CREBBP: variants seen among roughly 807,000 people sequenced by gnomAD.
CREBBP encodes the protein CREB-binding protein.
CREBBP carries 19 observed loss-of-function variants against 265.0 expected under a neutral mutation model. That is an observed-to-expected ratio of 0.07 (90% CI 0.05 to 0.11). The LOEUF is 0.11. CREBBP is among the 10% of genes least tolerant of loss of function. CREBBP has a pLI of 1.00. For synonymous variants in CREBBP, 1,457 were observed against 1,223.7 expected, an observed-to-expected ratio of 1.19 and a Z score of -3.98; for missense variants, 2,525 against 3,219.0, an observed-to-expected ratio of 0.78 and a Z score of 5.22.
chr16:3,862,743 G>A (rs961358911), intron 1 of CREBBP, among the ~76,000 whole-genome samples: 23 of 152,218 alleles, frequency 1.5e-4, no homozygotes, highest in African/African-American at 4.6e-4. Context: ...CTGCCATCTT[G>A]AAGTTTTTCC....
rs1366252123 is a variant in CREBBP at position 3,739,582 on chromosome 16, T to A, written c.4276A>T (p.Thr1426Ser). The part of the protein sequence containing the change: ...EYGSDCPPPN[T>S]RRVYISYLDS... ...TGGAAGGAGCTGGAAAACTACCTCGTGTTTGGAGGGGGGCAATCAGAGCCG... is the reference window on the plus strand; with the variant it reads ...TGGAAGGAGCTGGAAAACTACCTCGAGTTTGGAGGGGGGCAATCAGAGCCG... Residue 1426 changes from threonine to serine, a missense_variant, in exon 25 of 31, where the codon ACG becomes TCG. Physicochemically the swap from Thr to Ser is moderately conservative, Grantham distance 58 (BLOSUM62 1). Around this residue, in one of 19 missense-constraint regions of CREBBP, gnomAD observed 252 missense variants for 452.5 expected, o/e 0.56. Transcript: ENST00000262367. 3.1e-6 allele frequency: 5 copies of A among 1,614,126 alleles called. No homozygotes were observed. Among genetic ancestry groups the A allele is most frequent in the Non-Finnish European group, 4.2e-6 (5 of 1,180,012 alleles).
chr16:3,866,176 G>T (rs1000957650), intron 1 of CREBBP, among the ~76,000 whole-genome samples: 3 of 152,162 alleles, frequency 2.0e-5, no homozygotes, highest in Non-Finnish European at 2.9e-5. Flanking sequence ...CTTTTCGAAA[G>T]TATTTTTTTC....
At chr16:3,835,083 C>G (rs545116139) in intron 2 of CREBBP, among the ~76,000 whole-genome samples, 48 of 152,130 alleles carry the variant, frequency 3.2e-4, no homozygotes, top group African/African-American at 1.1e-3. Flanking sequence ...GGCATGAACC[C>G]GGGAGGTGGA....
chr16:3,739,801 C>G (rs2151338132), intron 24 of CREBBP, 77 bp from the exon 25 acceptor site: 4 of 1,599,656 alleles, frequency 2.5e-6, no homozygotes, highest in Non-Finnish European at 3.4e-6. Context: ...GCCTGCTCCT[C>G]TAACTCTGGC....
intron 1 of CREBBP, among the ~76,000 whole-genome samples, chr16:3,870,582 T>A (rs1315091710): frequency 6.6e-6 from 1 of 152,188 alleles, no homozygotes; most frequent in Non-Finnish European, 1.5e-5. Flanking sequence ...TTACCCATTT[T>A]GTAAGATTCT....
rs750845399 is a variant in CREBBP, at chr16:3,728,369, C to T, written c.6678G>A (p.Ala2226=). Residue 2226 remains alanine (A), a synonymous_variant, in exon 31 of 31, where the codon GCG becomes GCA. Coordinates refer to ENST00000262367, the MANE Select transcript of CREBBP (RefSeq NM_004380.3). The surrounding 1 kb of genome is among the most constrained non-coding windows in gnomAD (Gnocchi z 8.7). Reference sequence around the variant, plus strand: ...GAGGCTGCTGGAACTGGCCGTGCCCCGCCATGCCCCCAGCCATGCCGGCAC... The same window carrying T: ...GAGGCTGCTGGAACTGGCCGTGCCCTGCCATGCCCCCAGCCATGCCGGCAC... ...QGSAGMAGGM[A]GHGQFQQPQG... 58 of 1,612,834 alleles carry T rather than the reference C, an allele frequency of 3.6e-5. No homozygotes were observed. Among genetic ancestry groups the T allele is most frequent in the Admixed American group, 5.0e-5 (3 of 59,908 alleles).
At chr16:3,738,910 ATAAT>A (rs2052136378) in intron 25 of CREBBP, among the ~76,000 whole-genome samples, 1 of 152,164 alleles carries the variant, frequency 6.6e-6, no homozygotes. Context: ...TCATGCCCAG[ATAAT>A]TTATTTTTTG....
chr16:3,784,799 C>A (rs1167216456), intron 5 of CREBBP, among the ~76,000 whole-genome samples: 1 of 152,234 alleles, frequency 6.6e-6, no homozygotes, highest in Non-Finnish European at 1.5e-5. Flanking sequence ...ACAGTGAATG[C>A]CACTCCTAAG....
chr16:3,819,739 C>G (rs1250375921), intron 2 of CREBBP, among the ~76,000 whole-genome samples: 7 of 152,106 alleles, frequency 4.6e-5, no homozygotes, highest in Admixed American at 4.6e-4. Flanking sequence ...ACAATAAACT[C>G]AGGGTGTTTA....
chr16:3,740,453 C>T lies in CREBBP; in HGVS notation c.4079G>A (p.Arg1360Gln), dbSNP rs2052175994. 4.3e-6 allele frequency: 7 copies of T among 1,614,034 alleles called. No homozygotes were observed. The highest frequency in any genetic ancestry group is 3.3e-5 in the Admixed American group (2 of 60,004). ...CGTCTTGTCTGAGCTGGCCACCACT[C>T]GGACAAAAACCTCCCCGGCTTCAGG... Reference protein sequence around the residue: ...NHPEAGEVFVRVVASSDKTVE... With the variant: ...NHPEAGEVFVQVVASSDKTVE... The change falls in exon 24 of 31, where the codon CGA (arginine) becomes CAA (glutamine). Residue 1360 changes from arginine (R) to glutamine (Q), a missense_variant. Arg to Gln is a conservative substitution (Grantham distance 43). Coordinates refer to ENST00000262367, the MANE Select transcript of CREBBP (RefSeq NM_004380.3).
At chr16:3,860,613 A>G (rs935609978) in intron 1 of CREBBP, among the ~76,000 whole-genome samples, 1 of 152,226 alleles carries the variant, frequency 6.6e-6, no homozygotes, top group Non-Finnish European at 1.5e-5. Flanking sequence ...TAGATATTTC[A>G]AAACATCATG....
At chr16:3,774,902 G>A (rs1321248133) in intron 11 of CREBBP, among the ~76,000 whole-genome samples, 1 of 152,206 alleles carries the variant, frequency 6.6e-6, no homozygotes, top group Admixed American at 6.5e-5. Flanking sequence ...GGTGGTGACG[G>A]TGGCATGGTG....
In CREBBP at chr16:3,736,387, C is replaced by T. The variant is rs145592410; in HGVS notation, c.4561-184G>A. On this transcript the variant is annotated intron_variant, in intron 27 of 30. Transcript: ENST00000262367. ...GCACCCCCCACCACAGTGCTGGAGC[C>T]CCTATGTGTGCAACAGTGATGCACA... 1,105 of 761,356 alleles carry T rather than the reference C, an allele frequency of 1.5e-3. 5 individuals are homozygous for T. Among genetic ancestry groups the T allele is most frequent in the Middle Eastern group, 4.4e-3 (12 of 2,710 alleles). The allele number at this position is 761,356 out of a possible 1,614,324, so 47.2% of individuals were successfully genotyped here. A position where few individuals can be genotyped will look rare whatever the true frequency, so the allele number is the denominator to read the frequency against.
chr16:3,759,026 C>T, intron 16 of CREBBP, 54 bp from the exon 17 acceptor site: 1 of 1,345,812 alleles, frequency 7.4e-7, no homozygotes, highest in South Asian at 1.2e-5. Context: ...CAGATCCCTC[C>T]TACCTCACAT....
chr16:3,852,378 C>A (rs1012177368), intron 1 of CREBBP, among the ~76,000 whole-genome samples: 4 of 151,600 alleles, frequency 2.6e-5, no homozygotes, highest in African/African-American at 9.7e-5. Flanking sequence ...CCGTATTAGC[C>A]AGGATGGTCT....
chr16:3,760,248 T>A lies in CREBBP; in HGVS notation c.3251-1276A>T, dbSNP rs1052829018. 2.0e-5 allele frequency among the ~76,000 whole-genome samples: 3 copies of A among 151,412 alleles called. No individual in the cohort carries two copies. The East Asian group carries it at 5.8e-4, about 29-fold the overall frequency. On this transcript the variant is annotated intron_variant, in intron 16 of 30. Coordinates refer to ENST00000262367, the MANE Select transcript of CREBBP (RefSeq NM_004380.3). ...CTGGGACTACAGGTGTGTGCTACCA[T>A]GCCTGACTCATTTTTAAATTTTTTA... is the stretch of plus-strand genomic sequence containing the variant.
At chr16:3,734,708 C>G (rs1431681084) in intron 28 of CREBBP, among the ~76,000 whole-genome samples, 1 of 152,200 alleles carries the variant, frequency 6.6e-6, no homozygotes, top group African/African-American at 2.4e-5. Context: ...CGCGCCTCCT[C>G]TGTCCTGCGA....
chr16:3,737,764 T>G (rs543416739), intron 26 of CREBBP, among the ~76,000 whole-genome samples: 2 of 151,578 alleles, frequency 1.3e-5, no homozygotes, highest in East Asian at 3.9e-4. Context: ...AATTTTTTTT[T>G]GTATTTTTCT....
In CREBBP at chr16:3,758,981, A is replaced by AG; in HGVS notation, c.3251-10_3251-9insC. 6.3e-7 allele frequency: 1 copy of AG among 1,590,996 alleles called. No homozygotes were observed. Among genetic ancestry groups the AG allele is most frequent in the Admixed American group, 1.7e-5 (1 of 59,990 alleles). Reference sequence around the variant, plus strand: ...CTCCTCTGGTTTAAAGACTGCAGAGAAAACATCAAGAAAAGACACTTTGTA... The same window carrying AG: ...CTCCTCTGGTTTAAAGACTGCAGAGAGAAACATCAAGAAAAGACACTTTGTA... On this transcript the variant is annotated splice_polypyrimidine_tract_variant and intron_variant, in intron 16 of 30. Transcript: ENST00000262367.
Sources: gnomAD v4.1 joint callset for allele counts (sites outside exome capture counted in the v4.1 genomes callset) on GRCh38, gnomAD v4.1.1 for gene constraint, gnomAD v4.1.1 regional missense constraint, Gnocchi (gnomAD v3.1) non-coding constraint, MANE v1.5 for transcripts, NCBI Gene and HGNC (gene_info 2026-07-23, HGNC 2026-07-21) for gene names.